The following RIN2 variants were observed in gnomAD, a reference collection of about 807,000 sequenced individuals.
RIN2 encodes Ras and Rab interactor 2, also known as RAB5 interacting protein 2.
In RIN2, 36 loss-of-function variants were observed where a neutral mutation model predicts 78.0. The observed-to-expected ratio is 0.46, with a 90% confidence interval of 0.35 to 0.61. The LOEUF (loss-of-function observed/expected upper bound fraction) is 0.61. Ranked by LOEUF, RIN2 falls within the 20% of genes least tolerant of loss-of-function variation. The pLI, the probability that RIN2 is intolerant of heterozygous loss-of-function variation, is 0.00. For synonymous variants in RIN2, 466 were observed against 466.8 expected, an observed-to-expected ratio of 1.00 and a Z score of 0.02; for missense variants, 1,087 against 1,159.7, an observed-to-expected ratio of 0.94 and a Z score of 0.91.
chr20:19,876,757 T>C lies in RIN2; in HGVS notation c.-36-12809T>C, dbSNP rs1462997117. 2.0e-5 allele frequency among the ~76,000 whole-genome samples: 3 copies of C among 151,970 alleles called. No homozygotes were observed. In the East Asian group the frequency reaches 5.8e-4, roughly 29 times the overall value. ...CTGTCTCTACTAAAAATACAAAAATTATCTGGGTGTGGTGGCGGGTGCGTG... is the reference window on the plus strand; with the variant it reads ...CTGTCTCTACTAAAAATACAAAAATCATCTGGGTGTGGTGGCGGGTGCGTG... On this transcript the variant is annotated intron_variant, in intron 2 of 12. Coordinates refer to ENST00000255006, the MANE Select transcript of RIN2 (RefSeq NM_018993.4).
chr20:19,860,837 C>T (rs867743737), intron 2 of RIN2, among the ~76,000 whole-genome samples: 1 of 152,132 alleles, frequency 6.6e-6, no homozygotes, highest in Non-Finnish European at 1.5e-5. Flanking sequence ...TCTGATTCAC[C>T]TTTACATCCC....
chr20:19,808,832 TG>T (rs1207744451), intron 2 of RIN2, among the ~76,000 whole-genome samples: 7 of 152,200 alleles, frequency 4.6e-5, no homozygotes, highest in Non-Finnish European at 8.8e-5. Flanking sequence ...AGGGATACCC[TG>T]GGTGATCTGG....
At chr20:19,767,694 G>T (rs1398402352) in intron 1 of RIN2, among the ~76,000 whole-genome samples, 3 of 152,010 alleles carry the variant, frequency 2.0e-5, no homozygotes, top group Non-Finnish European at 4.4e-5. Flanking sequence ...GGGGGCTAAG[G>T]CGGGTGGATC....
intron 2 of RIN2, among the ~76,000 whole-genome samples, chr20:19,849,298 C>G (rs1049283716): frequency 3.3e-5 from 5 of 152,158 alleles, no homozygotes; most frequent in Non-Finnish European, 7.3e-5. Flanking sequence ...TCGATACTGA[C>G]CAACTATCAA....
chr20:19,938,804 T>C (rs560887926), intron 4 of RIN2, among the ~76,000 whole-genome samples: 1 of 152,352 alleles, frequency 6.6e-6, no homozygotes, highest in East Asian at 1.9e-4. Flanking sequence ...GTGGCTCTGA[T>C]ACCATCTATA....
chr20:19,965,371 C>G (rs917351697), intron 7 of RIN2, among the ~76,000 whole-genome samples: 2 of 152,132 alleles, frequency 1.3e-5, no homozygotes, highest in Non-Finnish European at 1.5e-5. Context: ...CACATGCACA[C>G]ACATACATGC....
intron 2 of RIN2, among the ~76,000 whole-genome samples, chr20:19,836,205 G>C (rs1364028724): frequency 1.3e-5 from 2 of 152,086 alleles, no homozygotes; most frequent in Non-Finnish European, 2.9e-5. Flanking sequence ...AGGCAAAATG[G>C]GTTACAGAAT....
chr20:19,988,358 G>A (rs1270468275), intron 9 of RIN2, among the ~76,000 whole-genome samples: 1 of 152,172 alleles, frequency 6.6e-6, no homozygotes, highest in Non-Finnish European at 1.5e-5. Flanking sequence ...GGCCTCAAGT[G>A]ATCTGCCCAC....
At chr20:19,782,791 CTG>C (rs2034551709) in intron 1 of RIN2, among the ~76,000 whole-genome samples, 1 of 152,154 alleles carries the variant, frequency 6.6e-6, no homozygotes, top group African/African-American at 2.4e-5. Context: ...TCAAGTTGAT[CTG>C]TCCCTTGTCT....
intron 1 of RIN2, among the ~76,000 whole-genome samples, chr20:19,783,150 G>A (rs2034564772): frequency 6.6e-6 from 1 of 152,192 alleles, no homozygotes; most frequent in African/African-American, 2.4e-5. Context: ...TGCTGTATCA[G>A]ATCATAACAC....
chr20:19,894,540 G>C lies in RIN2; in HGVS notation c.57+4882G>C, dbSNP rs149680130. 3.3e-3 allele frequency among the ~76,000 whole-genome samples: 506 copies of C among 152,282 alleles called. 3 individuals are homozygous for C. Among genetic ancestry groups the C allele is most frequent in the African/African-American group, 0.012 (479 of 41,556 alleles). ...TCCCTGGGATTTCAGGCATGAGCCA[G>C]CACCCCTGGCCTAAATCCTCTTCAT... On this transcript the variant is annotated intron_variant, in intron 3 of 12. Coordinates refer to ENST00000255006, the MANE Select transcript of RIN2 (RefSeq NM_018993.4).
chr20:19,948,855 T>G (rs1182192695), intron 4 of RIN2, among the ~76,000 whole-genome samples: 1 of 152,086 alleles, frequency 6.6e-6, no homozygotes, highest in Non-Finnish European at 1.5e-5. Flanking sequence ...CAGGCTCGAA[T>G]GTAGTGGCAT....
intron 2 of RIN2, among the ~76,000 whole-genome samples, chr20:19,813,765 G>A (rs1359098944): frequency 6.6e-6 from 1 of 152,096 alleles, no homozygotes; most frequent in African/African-American, 2.4e-5. Context: ...AAAGCACTGG[G>A]TTTGAATGTC....
chr20:19,946,917 GCTACT>G (rs1276836811), intron 4 of RIN2, among the ~76,000 whole-genome samples: 4 of 151,150 alleles, frequency 2.6e-5, no homozygotes, highest in Non-Finnish European at 5.9e-5. Context: ...TAAAGTCCCA[GCTACT>G]CAGGAGGCTG....
At chr20:19,805,308 TC>T (rs1477305868) in intron 2 of RIN2, among the ~76,000 whole-genome samples, 1 of 152,294 alleles carries the variant, frequency 6.6e-6, no homozygotes. Context: ...CAGGGCTCAA[TC>T]CCACCATCAC....
intron 3 of RIN2, among the ~76,000 whole-genome samples, chr20:19,890,586 C>T (rs972325514): frequency 7.3e-6 from 1 of 137,826 alleles, no homozygotes; most frequent in Non-Finnish European, 1.5e-5. Flanking sequence ...ATTAACCAAC[C>T]TTTATGGGTT....
chr20:19,860,418 C>A (rs1404577026), intron 2 of RIN2, among the ~76,000 whole-genome samples: 1 of 152,036 alleles, frequency 6.6e-6, no homozygotes, highest in Non-Finnish European at 1.5e-5. Context: ...TCCACCTCCT[C>A]AAGCAACTCC....
intron 1 of RIN2, among the ~76,000 whole-genome samples, chr20:19,761,512 A>T (rs917856390): frequency 6.6e-6 from 1 of 152,280 alleles, no homozygotes; most frequent in East Asian, 1.9e-4. Context: ...TGGCCACAGA[A>T]CACTCTTTCT....
At chr20:19,891,789 A>C (rs1339982616) in intron 3 of RIN2, among the ~76,000 whole-genome samples, 4 of 152,158 alleles carry the variant, frequency 2.6e-5, no homozygotes, top group African/African-American at 7.2e-5. Flanking sequence ...ACATCGCACC[A>C]CTGCACTCCA....
Sources: gnomAD v4.1 joint callset for allele counts (sites outside exome capture counted in the v4.1 genomes callset) on GRCh38, gnomAD v4.1.1 for gene constraint, MANE v1.5 for transcripts, NCBI Gene and HGNC (gene_info 2026-07-23, HGNC 2026-07-21) for gene names.